LHPP: variants seen among roughly 807,000 people sequenced by gnomAD.
LHPP encodes phospholysine phosphohistidine inorganic pyrophosphate phosphatase.
LHPP carries 24 observed loss-of-function variants against 30.3 expected under a neutral mutation model. That is an observed-to-expected ratio of 0.79 (90% CI 0.57 to 1.11). The LOEUF is 1.11. Among genes scored for constraint, LHPP ranks in the 50% most tolerant of loss-of-function variants. LHPP has a pLI of 0.00. For synonymous variants in LHPP, 150 were observed against 157.1 expected (o/e 0.95, Z 0.34); for missense variants, 356 against 367.2 (o/e 0.97, Z 0.25).
intron 5 of LHPP, among the ~76,000 whole-genome samples, chr10:124,501,145 A>C (rs1481287775): frequency 6.6e-6 from 1 of 152,046 alleles, no homozygotes; most frequent in Non-Finnish European, 1.5e-5. Flanking sequence ...GAAGGAAGCC[A>C]AACACAAAAG....
intron 6 of LHPP, among the ~76,000 whole-genome samples, chr10:124,536,400 G>C (rs181688254): frequency 6.6e-6 from 1 of 152,216 alleles, no homozygotes. Flanking sequence ...CTCCTGCTCC[G>C]AGGCCACCCC....
chr10:124,577,852 C>T (rs1323887200), intron 6 of LHPP, among the ~76,000 whole-genome samples: 1 of 152,194 alleles, frequency 6.6e-6, no homozygotes, highest in African/African-American at 2.4e-5. Context: ...TACTCAGCTA[C>T]TCCAGCTCCT....
chr10:124,521,288 A>G (rs1954606931), intron 6 of LHPP, among the ~76,000 whole-genome samples: 1 of 152,228 alleles, frequency 6.6e-6, no homozygotes, highest in Admixed American at 6.5e-5. Context: ...CCTTCCTTCC[A>G]GGAAATACCC....
intron 6 of LHPP, among the ~76,000 whole-genome samples, chr10:124,540,944 A>T (rs1214921619): frequency 6.6e-6 from 1 of 152,262 alleles, no homozygotes; most frequent in Non-Finnish European, 1.5e-5. Flanking sequence ...TTTTAAAATT[A>T]GAAGGAAAAT....
chr10:124,483,209 G>C (rs74355223), intron 1 of LHPP, among the ~76,000 whole-genome samples: 3 of 152,188 alleles, frequency 2.0e-5, no homozygotes, highest in South Asian at 2.1e-4. Context: ...CGGAATGTTG[G>C]TGTCCCTGAT....
chr10:124,531,451 C>A (rs1954901622), intron 6 of LHPP, among the ~76,000 whole-genome samples: 1 of 152,250 alleles, frequency 6.6e-6, no homozygotes, highest in African/African-American at 2.4e-5. Context: ...AGACCCCATT[C>A]AAGCTTTGCC....
chr10:124,536,673 G>C (rs1198640992), intron 6 of LHPP, among the ~76,000 whole-genome samples: 1 of 152,210 alleles, frequency 6.6e-6, no homozygotes, highest in African/African-American at 2.4e-5. Flanking sequence ...TAGAGTGAGG[G>C]GAGGGGTACC....
rs562512570 is a variant in LHPP, at chr10:124,590,113, G to T, written c.717-23151G>T. Among the ~76,000 whole-genome samples the T allele has an allele frequency of 5.3e-5, 8 of 152,328 alleles. No individual in the cohort carries two copies. The East Asian group carries it at 1.5e-3, about 29-fold the overall frequency. On this transcript the variant is annotated intron_variant, in intron 6 of 6. Coordinates refer to ENST00000368842, the MANE Select transcript of LHPP (RefSeq NM_022126.4). This position sits in a 1 kb window ranked among gnomAD's most constrained non-coding sequence, Gnocchi z 4.3. Reference sequence around the variant, plus strand: ...TTCTTTCCAAAGAATAGTGTGAACAGCTCATTCGATTCGTTCATGTGACGT... The same window carrying T: ...TTCTTTCCAAAGAATAGTGTGAACATCTCATTCGATTCGTTCATGTGACGT...
At chr10:124,516,988 G>A (rs578240925) in intron 5 of LHPP, among the ~76,000 whole-genome samples, 192 bp from the exon 6 acceptor site, 39 of 152,132 alleles carry the variant, frequency 2.6e-4, no homozygotes, top group Non-Finnish European at 4.7e-4. Flanking sequence ...TGTGGCCTAC[G>A]GGGGCAGTGT....
At chr10:124,589,735 G>A (rs1049731227) in intron 6 of LHPP, among the ~76,000 whole-genome samples, 3 of 152,314 alleles carry the variant, frequency 2.0e-5, no homozygotes, top group East Asian at 3.9e-4. Flanking sequence ...ATCCCCGGAC[G>A]GACCCGCCTT....
intron 1 of LHPP, among the ~76,000 whole-genome samples, chr10:124,470,697 G>A (rs1952706337): frequency 7.4e-6 from 1 of 134,244 alleles, no homozygotes; most frequent in Admixed American, 7.5e-5. Flanking sequence ...TAATAATGTA[G>A]GCTGTGGGCC....
intron 6 of LHPP, among the ~76,000 whole-genome samples, chr10:124,573,759 C>T (rs1948618938): frequency 6.6e-6 from 1 of 152,234 alleles, no homozygotes; most frequent in South Asian, 2.1e-4. Context: ...TCCCCCATCA[C>T]TGAACAGTGT....
intron 1 of LHPP, among the ~76,000 whole-genome samples, chr10:124,476,773 G>T (rs1362761933): frequency 6.6e-6 from 1 of 152,174 alleles, no homozygotes; most frequent in Non-Finnish European, 1.5e-5. Flanking sequence ...TGGAAAATTG[G>T]ATTTTTGGAG....
chr10:124,483,418 C>A (rs191078764), intron 1 of LHPP, among the ~76,000 whole-genome samples: 1 of 152,134 alleles, frequency 6.6e-6, no homozygotes, highest in Non-Finnish European at 1.5e-5. Context: ...GGCCCCTAGC[C>A]AGGCTGAGCA....
chr10:124,517,313 G>A lies in LHPP; in HGVS notation c.716+42G>A. 7.9e-7 allele frequency: 1 copy of A among 1,260,472 alleles called. No individual in the cohort carries two copies. Among genetic ancestry groups the A allele is most frequent in the Admixed American group, 2.5e-5 (1 of 40,166 alleles). The allele number at this position is 1,260,472 out of a possible 1,614,324, so 78.1% of individuals were successfully genotyped here. The stretch of plus-strand genomic sequence containing the variant: ...GTCATTTATTCACCTTCCTTCCAGG[G>A]GATGACCACATTCTCATTCTGTTTT... On this transcript the variant is annotated intron_variant, in intron 6 of 6. Coordinates refer to ENST00000368842, the MANE Select transcript of LHPP (RefSeq NM_022126.4). The surrounding 1 kb of genome is among the most constrained non-coding windows in gnomAD (Gnocchi z 4.1).
chr10:124,601,390 C>G (rs546495929), intron 6 of LHPP, among the ~76,000 whole-genome samples: 1 of 152,314 alleles, frequency 6.6e-6, no homozygotes, highest in East Asian at 1.9e-4. Context: ...TGCGCTTGAC[C>G]GGGGGGCCTT....
In LHPP at chr10:124,467,710, T is replaced by TGTTGTTG. The variant is rs1554876636; in HGVS notation, c.125+5723_125+5724insGTTGTTG. On this transcript the variant is annotated intron_variant, in intron 1 of 6. Transcript: ENST00000368842. ...TTTTCTTTTGTGTGTGTGTGTGTTT[T>TGTTGTTG]TTGTTGTTGTTGTTGTTGTTGTTTT... Among the ~76,000 whole-genome samples the TGTTGTTG allele has an allele frequency of 2.2e-3, 331 of 149,040 alleles. 1 individual carries two copies. The highest frequency in any genetic ancestry group is 7.6e-3 in the African/African-American group (305 of 40,248).
chr10:124,569,536 G>A (rs544693601), intron 6 of LHPP, among the ~76,000 whole-genome samples: 1 of 152,276 alleles, frequency 6.6e-6, no homozygotes, highest in South Asian at 2.1e-4. Context: ...GGAACGTGGC[G>A]GGCAGGGTGG....
At chr10:124,472,254 G>C (rs148943916) in intron 1 of LHPP, among the ~76,000 whole-genome samples, 226 of 152,222 alleles carry the variant, frequency 1.5e-3, no homozygotes, top group African/African-American at 5.2e-3. Flanking sequence ...CAGAGGCTGG[G>C]GTGAGCCAAG....
Sources: gnomAD v4.1 joint callset for allele counts (sites outside exome capture counted in the v4.1 genomes callset) on GRCh38, gnomAD v4.1.1 for gene constraint, Gnocchi (gnomAD v3.1) non-coding constraint, MANE v1.5 for transcripts, NCBI Gene and HGNC (gene_info 2026-07-23, HGNC 2026-07-21) for gene names.